Variants in FAM81A observed in about 807,000 individuals in gnomAD.
The protein encoded by FAM81A is family with sequence similarity 81 member A.
A neutral mutation model predicts 46.7 loss-of-function variants in FAM81A; 19 were observed. The ratio of observed to expected loss-of-function variants is 0.41; its 90% CI spans 0.28 to 0.60. The LOEUF (loss-of-function observed/expected upper bound fraction) is 0.60. FAM81A is among the 20% of genes least tolerant of loss of function. FAM81A has a pLI of 0.34. For synonymous variants in FAM81A, 183 were observed against 152.9 expected, an observed-to-expected ratio of 1.20 and a Z score of -1.45; for missense variants, 377 against 453.5, an observed-to-expected ratio of 0.83 and a Z score of 1.53.
chr15:59,472,708 G>C (rs1161383589), intron 3 of FAM81A, among the ~76,000 whole-genome samples: 2 of 151,946 alleles, frequency 1.3e-5, no homozygotes, highest in Non-Finnish European at 2.9e-5. Flanking sequence ...AGGCCACCAT[G>C]CCCAGCTAAT....
intron 1 of FAM81A, chr15:59,401,614 T>G (rs2081070762): frequency 1.1e-6 from 1 of 909,850 alleles, no homozygotes; most frequent in Admixed American, 1.9e-5. Context: ...ATACTTCTGT[T>G]TCTCCCTGGG....
intron 1 of FAM81A, among the ~76,000 whole-genome samples, chr15:59,447,821 T>A (rs1224441893): frequency 6.6e-6 from 1 of 152,074 alleles, no homozygotes; most frequent in Non-Finnish European, 1.5e-5. Flanking sequence ...GCATTAAAGG[T>A]AGCCTCAAGA....
intron 7 of FAM81A, among the ~76,000 whole-genome samples, chr15:59,515,070 C>A (rs947955379): frequency 2.0e-5 from 3 of 151,984 alleles, no homozygotes; most frequent in Non-Finnish European, 1.5e-5. Flanking sequence ...CATGGTGAAA[C>A]CCCATCTCTA....
intron 2 of FAM81A, among the ~76,000 whole-genome samples, chr15:59,420,190 A>C (rs1596463561): frequency 6.6e-6 from 1 of 152,206 alleles, no homozygotes; most frequent in African/African-American, 2.4e-5. Context: ...AGAAACAAAC[A>C]CAAGCAGGAA....
At chr15:59,425,355 A>G (rs1181675317) in intron 2 of FAM81A, among the ~76,000 whole-genome samples, 12 of 152,214 alleles carry the variant, frequency 7.9e-5, no homozygotes, top group Non-Finnish European at 1.5e-4. Context: ...CAAGTCTTTG[A>G]ATCTTGGAGT....
intron 2 of FAM81A, among the ~76,000 whole-genome samples, chr15:59,410,899 CGT>C (rs2081117524): frequency 1.3e-5 from 2 of 152,016 alleles, no homozygotes; most frequent in Non-Finnish European, 2.9e-5. Flanking sequence ...TACAGGCATG[CGT>C]CACCACACCC....
chr15:59,407,295 T>G (rs12442467), intron 2 of FAM81A: 37,299 of 123,616 alleles, frequency 0.3, 5,801 homozygotes, highest in East Asian at 0.48. Context: ...TCTTTCCTTT[T>G]TTTTTTTTTT....
chr15:59,509,249 T>A (rs553065023), intron 6 of FAM81A, among the ~76,000 whole-genome samples: 13 of 152,342 alleles, frequency 8.5e-5, no homozygotes, highest in African/African-American at 3.1e-4. Context: ...CCAGACTCTG[T>A]TCTTATCCTT....
intron 2 of FAM81A, among the ~76,000 whole-genome samples, chr15:59,423,990 G>A (rs376095027): frequency 6.6e-5 from 10 of 152,008 alleles, no homozygotes; most frequent in African/African-American, 9.7e-5. Flanking sequence ...CTTTCACTGC[G>A]GAACTTCTTG....
intron 2 of FAM81A, among the ~76,000 whole-genome samples, chr15:59,431,853 A>C (rs2081221849): frequency 6.6e-6 from 1 of 152,138 alleles, no homozygotes; most frequent in Non-Finnish European, 1.5e-5. Flanking sequence ...CAGTGATGAA[A>C]ACCTACTACG....
chr15:59,516,593 A>G, intron 7 of FAM81A, 52 bp from the exon 8 acceptor site: 1 of 1,552,996 alleles, frequency 6.4e-7, no homozygotes, highest in East Asian at 2.2e-5. Flanking sequence ...TGTGAATGCA[A>G]TGCAGATTTC....
upstream of FAM81A, chr15:59,438,153 C>G (rs2141574394): frequency 6.8e-6 from 1 of 146,348 alleles, no homozygotes; most frequent in East Asian, 2.0e-4. Context: ...CAGGCGCGCG[C>G]TGATTGGACG....
At chr15:59,474,527 G>A (rs1459889135) in intron 3 of FAM81A, among the ~76,000 whole-genome samples, 2 of 152,178 alleles carry the variant, frequency 1.3e-5, no homozygotes, top group South Asian at 4.1e-4. Context: ...AGTCCATTCA[G>A]GGTGGAGCCC....
rs181880008 is a variant in FAM81A at position 59,499,432 on chromosome 15, T to G, written c.413+7043T>G. ...TTTAAACAATTGCTTTTTTAATCAA[T>G]TATGACAGGAGAGAAAATATTCATT... On this transcript the variant is annotated intron_variant, in intron 4 of 8. Coordinates refer to ENST00000288228, the MANE Select transcript of FAM81A (RefSeq NM_152450.3). Among the ~76,000 whole-genome samples, 273 of 152,332 alleles carry G rather than the reference T, an allele frequency of 1.8e-3. 3 individuals carry two copies. The highest frequency in any genetic ancestry group is 6.9e-3 in the Admixed American group (105 of 15,302).
chr15:59,440,858 A>C (rs1223721155), intron 1 of FAM81A, among the ~76,000 whole-genome samples: 2 of 151,996 alleles, frequency 1.3e-5, no homozygotes, highest in Non-Finnish European at 2.9e-5. Context: ...TGGGCTTCTT[A>C]TATTTCAGTC....
chr15:59,443,100 T>C (rs1467241607), intron 1 of FAM81A, among the ~76,000 whole-genome samples: 6 of 152,212 alleles, frequency 3.9e-5, no homozygotes, highest in African/African-American at 1.4e-4. Context: ...ATTTTGTTTT[T>C]GAAATGGAGT....
chr15:59,451,279 C>T (rs1254315927), intron 1 of FAM81A, among the ~76,000 whole-genome samples: 1 of 152,052 alleles, frequency 6.6e-6, no homozygotes, highest in African/African-American at 2.4e-5. Context: ...TCCTTTTATG[C>T]ACAGCTATAT....
chr15:59,436,774 T>C (rs1423768901), upstream of FAM81A, among the ~76,000 whole-genome samples: 1 of 152,110 alleles, frequency 6.6e-6, no homozygotes, highest in East Asian at 1.9e-4. Flanking sequence ...AGAATAATCA[T>C]TGAGCTTTTG....
intron 8 of FAM81A, among the ~76,000 whole-genome samples, chr15:59,520,110 TA>T (rs71119481): frequency 2.6e-5 from 4 of 151,722 alleles, no homozygotes; most frequent in African/African-American, 9.7e-5. Flanking sequence ...TTTTTTTTTT[TA>T]AATCACTCAT....
Sources: allele counts gnomAD v4.1 joint callset (sites outside exome capture counted in the v4.1 genomes callset), GRCh38; gene constraint gnomAD v4.1.1; transcripts MANE v1.5; gene names NCBI Gene and HGNC (gene_info 2026-07-23, HGNC 2026-07-21).